The following SLC22A3 variants were observed in gnomAD, a reference collection of about 807,000 sequenced individuals.
SLC22A3 encodes the protein EMT organic cation transporter 3.
SLC22A3 carries 51 observed loss-of-function variants against 59.1 expected under a neutral mutation model. The observed-to-expected ratio is 0.86, with a 90% CI of 0.69 to 1.09. The LOEUF is 1.09. Ranked by LOEUF, SLC22A3 falls within the 50% of genes least tolerant of loss-of-function variation. SLC22A3 has a pLI of 0.00. For synonymous variants in SLC22A3, 325 were observed against 292.0 expected (o/e 1.11, Z -1.15); for missense variants, 711 against 726.3 (o/e 0.98, Z 0.24).
chr6:160,355,663 C>CGGGGAGGTTGA (rs202097157), intron 1 of SLC22A3, among the ~76,000 whole-genome samples: 1,769 of 151,884 alleles, frequency 0.012, 14 homozygotes, highest in Non-Finnish European at 0.018. Flanking sequence ...TCCCAGCTAC[C>CGGGGAGGTTGA]GGGGAGGTTG....
Position 160,408,915 on chromosome 6 carries a change from A to G in SLC22A3, c.851A>G (p.Tyr284Cys). ...CTGCCCAGCTTTCTCTTCCTCCTTT[A>G]TTACTGGTAATGTGGTTTTGGTTAT... ...ITLPSFLFLL[Y>C]YWVVPESPRW... Residue 284 changes from tyrosine (Y) to cysteine (C), a missense_variant, in exon 4 of 11, where the codon TAT becomes TGT. Transcript: ENST00000275300. 6.2e-7 allele frequency: 1 copy of G among 1,612,796 alleles called. No individual in the cohort carries two copies. The highest frequency in any genetic ancestry group is 1.1e-5 in the South Asian group (1 of 91,050).
intron 1 of SLC22A3, among the ~76,000 whole-genome samples, chr6:160,351,255 A>G (rs924297233): frequency 2.0e-5 from 3 of 152,166 alleles, no homozygotes; most frequent in African/African-American, 7.2e-5. Context: ...AGCTGGGACT[A>G]CAGGCGACTG....
chr6:160,373,531 T>A (rs368642086), intron 1 of SLC22A3, among the ~76,000 whole-genome samples: 50 of 152,224 alleles, frequency 3.3e-4, no homozygotes, highest in African/African-American at 9.9e-4. Flanking sequence ...AGAACTTGAG[T>A]GCTGTGCTGG....
intron 1 of SLC22A3, among the ~76,000 whole-genome samples, chr6:160,388,842 A>T (rs1786129186): frequency 1.3e-5 from 2 of 152,224 alleles, no homozygotes; most frequent in Admixed American, 1.3e-4. Flanking sequence ...TAGAGATGTT[A>T]CCTGATTGTG....
intron 4 of SLC22A3, among the ~76,000 whole-genome samples, chr6:160,409,833 C>G (rs1408541521): frequency 2.6e-5 from 4 of 152,166 alleles, no homozygotes; most frequent in Non-Finnish European, 5.9e-5. Context: ...TTCATGAAAA[C>G]TATAAAGTAA....
At chr6:160,407,610 C>G (rs1322660027) in intron 3 of SLC22A3, among the ~76,000 whole-genome samples, 3 of 152,116 alleles carry the variant, frequency 2.0e-5, no homozygotes, top group Non-Finnish European at 4.4e-5. Flanking sequence ...GTTGCCAACT[C>G]TCCTCTTTCT....
chr6:160,369,768 G>A (rs1162966322), intron 1 of SLC22A3, among the ~76,000 whole-genome samples: 2 of 152,136 alleles, frequency 1.3e-5, no homozygotes, highest in African/African-American at 2.4e-5. Flanking sequence ...TACTATTGTT[G>A]TGCGACAAAT....
At chr6:160,377,660 AT>A (rs1411209657) in intron 1 of SLC22A3, among the ~76,000 whole-genome samples, 2 of 152,094 alleles carry the variant, frequency 1.3e-5, no homozygotes, top group African/African-American at 4.8e-5. Context: ...TCTTTTCCTG[AT>A]TCCAATCAAC....
intron 2 of SLC22A3, among the ~76,000 whole-genome samples, chr6:160,400,409 G>T (rs1435125296): frequency 6.6e-6 from 1 of 151,906 alleles, no homozygotes; most frequent in African/African-American, 2.4e-5. Flanking sequence ...GAAATACCCA[G>T]CTCCAGCCCC....
chr6:160,428,162 A>T (rs1309002510), intron 5 of SLC22A3, among the ~76,000 whole-genome samples: 2 of 151,414 alleles, frequency 1.3e-5, no homozygotes, highest in Non-Finnish European at 2.9e-5. Flanking sequence ...ATGTTCCAAC[A>T]TGTGACCCAC....
chr6:160,449,802 T>TG (rs1400534757), intron 10 of SLC22A3, among the ~76,000 whole-genome samples: 1 of 152,168 alleles, frequency 6.6e-6, no homozygotes, highest in African/African-American at 2.4e-5. Flanking sequence ...GCTGGGCCGC[T>TG]GGGGGTGACA....
intron 5 of SLC22A3, among the ~76,000 whole-genome samples, chr6:160,412,055 C>T (rs527387430): frequency 5.9e-5 from 9 of 152,252 alleles, no homozygotes; most frequent in Non-Finnish European, 8.8e-5. Context: ...CTGATAAGAA[C>T]GTTCTGATAA....
At chr6:160,364,158 A>G (rs562332464) in intron 1 of SLC22A3, among the ~76,000 whole-genome samples, 2 of 152,298 alleles carry the variant, frequency 1.3e-5, no homozygotes, top group South Asian at 2.1e-4. Flanking sequence ...ATAAAATAAC[A>G]CAGAAATGTT....
chr6:160,384,617 C>T (rs980533913), intron 1 of SLC22A3, among the ~76,000 whole-genome samples: 4 of 152,116 alleles, frequency 2.6e-5, no homozygotes, highest in East Asian at 3.9e-4. Context: ...TTAAGAGGAG[C>T]ATCCAGATCC....
intron 2 of SLC22A3, among the ~76,000 whole-genome samples, chr6:160,399,350 T>C (rs1258202791): frequency 6.6e-6 from 1 of 152,220 alleles, no homozygotes; most frequent in African/African-American, 2.4e-5. Context: ...AGTTTAAATA[T>C]TTATTTATTT....
chr6:160,363,108 G>A (rs1256363586), intron 1 of SLC22A3, among the ~76,000 whole-genome samples: 4 of 152,238 alleles, frequency 2.6e-5, no homozygotes, highest in Admixed American at 2.0e-4. Flanking sequence ...TTGCCGAGGG[G>A]CAGAAAGAGA....
chr6:160,354,378 G>A (rs904501349), intron 1 of SLC22A3, among the ~76,000 whole-genome samples: 1 of 152,178 alleles, frequency 6.6e-6, no homozygotes. Context: ...GTCATAGGTG[G>A]TGCTCAGAAC....
intron 10 of SLC22A3, among the ~76,000 whole-genome samples, 195 bp downstream of exon 10, chr6:160,448,013 T>C (rs1480498845): frequency 6.6e-6 from 1 of 152,104 alleles, no homozygotes; most frequent in East Asian, 1.9e-4. Context: ...GATAAGAGTA[T>C]GCATTGTTTT....
Position 160,348,543 on chromosome 6 carries a change from C to T in SLC22A3, c.124C>T (p.Leu42=), listed in dbSNP as rs1784547991. Residue 42 remains leucine (L), a synonymous_variant, in exon 1 of 11, where the codon CTG becomes TTG. Transcript: ENST00000275300. The stretch of plus-strand genomic sequence containing the variant: ...CTTCCTCTTCGTCGGCGTGGTCTTC[C>T]TGGGCACGCAGCCCGACCACTACTG... ...FAFLFVGVVF[L]GTQPDHYWCR... The T allele has an allele frequency of 1.9e-6, 3 of 1,558,738 alleles. No individual in the cohort carries two copies. The highest frequency in any genetic ancestry group is 2.6e-6 in the Non-Finnish European group (3 of 1,161,622).
Sources: gnomAD v4.1 joint callset for allele counts (sites outside exome capture counted in the v4.1 genomes callset) on GRCh38, gnomAD v4.1.1 for gene constraint, MANE v1.5 for transcripts, NCBI Gene and HGNC (gene_info 2026-07-23, HGNC 2026-07-21) for gene names.